PGM1: variants seen among roughly 807,000 people sequenced by gnomAD.
PGM1 encodes the protein phosphoglucomutase 1, also known as phosphoglucomutase-1.
A neutral mutation model predicts 55.6 loss-of-function variants in PGM1; 52 were observed. The observed-to-expected ratio is 0.94, with a 90% CI of 0.75 to 1.18. The LOEUF is 1.18. PGM1 is among the 50% of genes most tolerant of loss of function. The probability of loss-of-function intolerance (pLI) is 0.00; values close to 1 mark genes in which losing one functional copy is unlikely to be tolerated. For synonymous variants in PGM1, 287 were observed against 271.7 expected (o/e 1.06, Z -0.55); for missense variants, 724 against 729.3 (o/e 0.99, Z 0.08).
chr1:63,654,390 G>C lies in PGM1; in HGVS notation c.1523G>C (p.Gly508Ala), dbSNP rs1273877478. 1.9e-6 allele frequency: 3 copies of C among 1,612,672 alleles called. No individual in the cohort carries two copies. Among genetic ancestry groups the C allele is most frequent in the Non-Finnish European group, 2.5e-6 (3 of 1,178,784 alleles). The stretch of plus-strand genomic sequence containing the variant: ...ATCGTCTTCCGACTGAGCGGCACTG[G>C]GAGTGCCGGGGCCACCATTCGGCTG... ...SRIVFRLSGTGSAGATIRLYI... is the reference protein window; with the variant it reads ...SRIVFRLSGTASAGATIRLYI... Residue 508 changes from glycine (G) to alanine (A), a missense_variant, in exon 10 of 11, where the codon GGG becomes GCG. Physicochemically the swap from Gly to Ala is moderately conservative, Grantham distance 60 (BLOSUM62 0). Coordinates refer to ENST00000371084, the MANE Select transcript of PGM1 (RefSeq NM_002633.3).
At chr1:63,595,332 A>G (rs943878483) in intron 1 of PGM1, among the ~76,000 whole-genome samples, 2 of 152,178 alleles carry the variant, frequency 1.3e-5, no homozygotes, top group Admixed American at 6.5e-5. Flanking sequence ...AAAAACTATA[A>G]TGGCAGCACT....
chr1:63,653,139 G>A (rs1649862175), intron 9 of PGM1, among the ~76,000 whole-genome samples: 1 of 152,204 alleles, frequency 6.6e-6, no homozygotes, highest in Non-Finnish European at 1.5e-5. Flanking sequence ...CTCGAGAGCT[G>A]CCCTCTGTGC....
At chr1:63,621,618 CTG>C (rs1186658776) in intron 1 of PGM1, among the ~76,000 whole-genome samples, 1 of 152,116 alleles carries the variant, frequency 6.6e-6, no homozygotes, top group African/African-American at 2.4e-5. Context: ...GTTATGTAAA[CTG>C]TTAATAAAGC....
At chr1:63,608,382 C>A (rs903086215) in intron 1 of PGM1, among the ~76,000 whole-genome samples, 1 of 152,160 alleles carries the variant, frequency 6.6e-6, no homozygotes, top group African/African-American at 2.4e-5. Context: ...TATAAACCGA[C>A]AAAATGGCCA....
intron 1 of PGM1, among the ~76,000 whole-genome samples, chr1:63,604,366 G>C (rs929508786): frequency 6.6e-6 from 1 of 152,082 alleles, no homozygotes; most frequent in Non-Finnish European, 1.5e-5. Context: ...TAATCCTGTT[G>C]CTCTGCCATC....
intron 6 of PGM1, among the ~76,000 whole-genome samples, chr1:63,638,326 T>C (rs1649415887): frequency 1.3e-5 from 2 of 152,206 alleles, no homozygotes; most frequent in Admixed American, 6.5e-5. Flanking sequence ...TACAGGTGCA[T>C]CAAAACATCA....
chr1:63,598,886 T>C lies in PGM1; in HGVS notation c.246+5152T>C, dbSNP rs566430751. ...TTCTCAGAGCAAACTAGTGGGACTT[T>C]GCAAACTTCGCCTTATAGTGGAGGA... On this transcript the variant is annotated intron_variant, in intron 1 of 10. Coordinates refer to ENST00000371084, the MANE Select transcript of PGM1 (RefSeq NM_002633.3). Among the ~76,000 whole-genome samples, 6 of 152,350 alleles carry C rather than the reference T, an allele frequency of 3.9e-5. No homozygotes were observed. The East Asian group carries it at 1.2e-3, about 29-fold the overall frequency.
At chr1:63,628,138 C>T (rs1469806442) in intron 1 of PGM1, among the ~76,000 whole-genome samples, 1 of 152,110 alleles carries the variant, frequency 6.6e-6, no homozygotes, top group East Asian at 1.9e-4. Context: ...TCAAAAGTAC[C>T]ATGGGATGTA....
chr1:63,629,528 G>C lies in PGM1; in HGVS notation c.350G>C (p.Ser117Thr). The C allele has an allele frequency of 1.2e-6, 2 of 1,613,918 alleles. No individual in the cohort carries two copies. Among genetic ancestry groups the C allele is most frequent in the Non-Finnish European group, 1.7e-6 (2 of 1,179,864 alleles). ...ATTGGTGGGATCATTCTGACAGCCA[G>C]TCACAACCCAGGGGGCCCCAATGGA... ...KAIGGIILTA[S>T]HNPGGPNGDF... is the part of the protein sequence containing the mutation. Residue 117 changes from serine to threonine, a missense_variant, in exon 2 of 11, where the codon AGT becomes ACT. By Grantham distance (58) the Ser-to-Thr change is moderately conservative. This residue lies in a region of PGM1 where 379 missense variants were observed against 357.5 expected (regional missense o/e 1.06). Transcript: ENST00000371084.
intron 1 of PGM1, among the ~76,000 whole-genome samples, chr1:63,602,967 A>G (rs969416862): frequency 6.6e-6 from 1 of 152,190 alleles, no homozygotes; most frequent in African/African-American, 2.4e-5. Context: ...TGGTTCCAGC[A>G]GAGGGAGTAG....
At chr1:63,640,162 G>T (rs1461691991) in intron 7 of PGM1, among the ~76,000 whole-genome samples, 1 of 152,210 alleles carries the variant, frequency 6.6e-6, no homozygotes, top group Non-Finnish European at 1.5e-5. Flanking sequence ...GGGTCATCTA[G>T]TTCAGGCCTG....
At chr1:63,604,959 G>GTGTGTGTGTGT (rs58900430) in intron 1 of PGM1, among the ~76,000 whole-genome samples, 4 of 134,224 alleles carry the variant, frequency 3.0e-5, no homozygotes, top group Admixed American at 1.4e-4. Flanking sequence ...GTGTGTGTGT[G>GTGTGTGTGTGT]TAAAGAGAGG....
intron 2 of PGM1, 90 bp from the exon 3 acceptor site, chr1:63,629,852 G>T: frequency 7.2e-7 from 1 of 1,392,282 alleles, no homozygotes. Flanking sequence ...TGGTAGATGT[G>T]CTAGTGAAGA....
chr1:63,630,888 T>G (rs982450609), intron 3 of PGM1, among the ~76,000 whole-genome samples: 11 of 152,228 alleles, frequency 7.2e-5, no homozygotes, highest in African/African-American at 2.4e-4. Flanking sequence ...GGATTGCATT[T>G]TTTTGTTTGA....
In PGM1 at chr1:63,659,660, C is replaced by A. The variant is rs758673768; in HGVS notation, c.1674C>A (p.Pro558=). 1 of 1,613,410 alleles carries A rather than the reference C, an allele frequency of 6.2e-7. No individual in the cohort carries two copies. The highest frequency in any genetic ancestry group is 2.2e-5 in the East Asian group (1 of 44,874). Residue 558 remains proline (P), a synonymous_variant, in exon 11 of 11, where the codon CCC becomes CCA. Coordinates refer to ENST00000371084, the MANE Select transcript of PGM1 (RefSeq NM_002633.3). ...AGGAGAGGACGGGACGCACTGCACC[C>A]ACTGTCATCACCTAAGAAGACAGGC... The part of the protein sequence containing the change: ...QLQERTGRTA[P]TVIT
intron 1 of PGM1, among the ~76,000 whole-genome samples, chr1:63,625,075 C>A (rs1297097933): frequency 6.6e-6 from 1 of 152,150 alleles, no homozygotes; most frequent in Non-Finnish European, 1.5e-5. Flanking sequence ...ACGAATGGAA[C>A]ATTATTTCTC....
At position 63,659,650 on chromosome 1, in the gene PGM1, G is replaced by T. The variant is rs765405068; in HGVS notation, c.1664G>T (p.Arg555Leu). 1 of 1,613,668 alleles carries T rather than the reference G, an allele frequency of 6.2e-7. No individual in the cohort carries two copies. Among genetic ancestry groups the T allele is most frequent in the Admixed American group, 1.7e-5 (1 of 59,994 alleles). Reference protein sequence around the residue: ...KVSQLQERTGRTAPTVIT With the variant: ...KVSQLQERTGLTAPTVIT ...TCCCAGCTGCAGGAGAGGACGGGACGCACTGCACCCACTGTCATCACCTAA... is the reference window on the plus strand; with the variant it reads ...TCCCAGCTGCAGGAGAGGACGGGACTCACTGCACCCACTGTCATCACCTAA... The change falls in exon 11 of 11, where the codon CGC becomes CTC. Residue 555 changes from arginine to leucine, a missense_variant. Arg to Leu is a moderately radical substitution (Grantham distance 102). Around this residue, in one of 3 missense-constraint regions of PGM1, gnomAD observed 316 missense variants for 313.1 expected, o/e 1.01. Coordinates refer to ENST00000371084, the MANE Select transcript of PGM1 (RefSeq NM_002633.3).
chr1:63,607,576 C>G (rs1648455940), intron 1 of PGM1, among the ~76,000 whole-genome samples: 1 of 152,176 alleles, frequency 6.6e-6, no homozygotes, highest in African/African-American at 2.4e-5. Context: ...TTGGCAGACT[C>G]TCTGTCCACA....
chr1:63,622,532 A>T (rs1332338412), intron 1 of PGM1, among the ~76,000 whole-genome samples: 1 of 152,240 alleles, frequency 6.6e-6, no homozygotes, highest in African/African-American at 2.4e-5. Flanking sequence ...TCTCATGTTC[A>T]TATTATTTTT....
Sources: allele counts gnomAD v4.1 joint callset (sites outside exome capture counted in the v4.1 genomes callset), GRCh38; gene constraint gnomAD v4.1.1; regional missense constraint gnomAD v4.1.1; transcripts MANE v1.5; gene names NCBI Gene and HGNC (gene_info 2026-07-23, HGNC 2026-07-21).